Variants in EPHA6 observed in about 807,000 individuals in gnomAD.
The protein encoded by EPHA6 is ephrin type-A receptor 6.
EPHA6 carries 50 observed loss-of-function variants against 112.0 expected under a neutral mutation model. That is an observed-to-expected ratio of 0.45 (90% CI 0.36 to 0.56). The LOEUF is 0.56. Among genes scored for constraint, EPHA6 ranks in the 20% least tolerant of loss-of-function variants. The pLI, the probability that EPHA6 is intolerant of heterozygous loss-of-function variation, is 0.00. For missense variants in EPHA6, 1,280 were observed against 1,417.4 expected (o/e 0.90, Z 1.56); for synonymous variants, 529 against 490.7 (o/e 1.08, Z -1.03).
chr3:97,283,571 A>G (rs1192961563), intron 5 of EPHA6, among the ~76,000 whole-genome samples: 2 of 152,054 alleles, frequency 1.3e-5, no homozygotes, highest in East Asian at 3.9e-4. Context: ...AAATGTTGCT[A>G]AACAGTCTAC....
intron 3 of EPHA6, among the ~76,000 whole-genome samples, chr3:97,106,474 C>G (rs1021032813): frequency 2.0e-5 from 3 of 152,004 alleles, no homozygotes; most frequent in Non-Finnish European, 4.4e-5. Flanking sequence ...AAGCCCAGGC[C>G]GCTGAGCAGC....
At chr3:97,505,794 C>A (rs375922920) in intron 10 of EPHA6, among the ~76,000 whole-genome samples, 1 of 151,880 alleles carries the variant, frequency 6.6e-6, no homozygotes, top group Non-Finnish European at 1.5e-5. Context: ...AACTAATTTA[C>A]ACCATCAACA....
At chr3:97,054,818 G>A (rs1051426828) in intron 3 of EPHA6, among the ~76,000 whole-genome samples, 1 of 151,960 alleles carries the variant, frequency 6.6e-6, no homozygotes, top group African/African-American at 2.4e-5. Context: ...TGTATTTAAA[G>A]ATTCTAGGTT....
intron 14 of EPHA6, among the ~76,000 whole-genome samples, chr3:97,691,427 T>A (rs941105148): frequency 1.3e-5 from 2 of 152,238 alleles, no homozygotes; most frequent in African/African-American, 4.8e-5. Context: ...GTGGGCCCCT[T>A]GTATCTTCAC....
At position 96,987,744 on chromosome 3, in the gene EPHA6, A is replaced by T; in HGVS notation, c.865A>T (p.Ile289Phe). 6.2e-7 allele frequency: 1 copy of T among 1,613,226 alleles called. No individual in the cohort carries two copies. The highest frequency in any genetic ancestry group is 8.5e-7 in the Non-Finnish European group (1 of 1,179,478). Reference protein sequence around the residue: ...YLAFQDIGACIALVSVRVFYK... With the variant: ...YLAFQDIGACFALVSVRVFYK... The stretch of plus-strand genomic sequence containing the variant: ...GGCTTTTCAAGACATTGGGGCGTGC[A>T]TTGCCCTGGTTTCAGTCCGTGTTTT... Residue 289 changes from isoleucine to phenylalanine, a missense_variant, in exon 3 of 18, where the codon ATT becomes TTT. By Grantham distance (21) the Ile-to-Phe change is conservative. Around this residue, in one of 4 missense-constraint regions of EPHA6, gnomAD observed 878 missense variants for 999.7 expected, o/e 0.88. Transcript: ENST00000389672.
At chr3:97,636,092 G>A (rs1374071462) in intron 13 of EPHA6, among the ~76,000 whole-genome samples, 2 of 152,100 alleles carry the variant, frequency 1.3e-5, no homozygotes, top group Non-Finnish European at 2.9e-5. Flanking sequence ...GCAATTCCAA[G>A]TTAGATGACT....
intron 3 of EPHA6, among the ~76,000 whole-genome samples, chr3:97,187,642 G>C (rs113900150): frequency 8.0e-6 from 1 of 125,060 alleles, no homozygotes; most frequent in African/African-American, 3.1e-5. Context: ...GAAAGAAAAA[G>C]AGAGAGAGAA....
rs904234880 is a variant in EPHA6, at chr3:97,657,973, G to A, written c.2784+19891G>A. Among the ~76,000 whole-genome samples, 4 of 151,834 alleles carry A rather than the reference G, an allele frequency of 2.6e-5. 1 individual carries two copies. The East Asian group carries it at 7.8e-4, about 29-fold the overall frequency. On this transcript the variant is annotated intron_variant, in intron 14 of 17. Coordinates refer to ENST00000389672, the MANE Select transcript of EPHA6 (RefSeq NM_001080448.3). Reference sequence around the variant, plus strand: ...TTACACATCATTAGATAGGACAGAAGTCACAAGCAGGTAAAAGAATTGTCA... The same window carrying A: ...TTACACATCATTAGATAGGACAGAAATCACAAGCAGGTAAAAGAATTGTCA...
At chr3:96,975,899 A>G (rs1193625563) in intron 2 of EPHA6, among the ~76,000 whole-genome samples, 2 of 152,162 alleles carry the variant, frequency 1.3e-5, no homozygotes, top group African/African-American at 2.4e-5. Flanking sequence ...ACTCTTTTCT[A>G]CATTATATAT....
intron 14 of EPHA6, among the ~76,000 whole-genome samples, chr3:97,649,072 C>T (rs2107602913): frequency 6.6e-6 from 1 of 152,124 alleles, no homozygotes; most frequent in African/African-American, 2.4e-5. Context: ...ATCATGAAAC[C>T]AACCGTGTTA....
intron 5 of EPHA6, among the ~76,000 whole-genome samples, chr3:97,366,393 G>A (rs2084733711): frequency 6.6e-6 from 1 of 151,450 alleles, no homozygotes; most frequent in Non-Finnish European, 1.5e-5. Context: ...CAATCCAGAA[G>A]GCAACGTTTA....
chr3:96,860,463 C>T (rs920217875), intron 1 of EPHA6, among the ~76,000 whole-genome samples: 2 of 151,758 alleles, frequency 1.3e-5, no homozygotes, highest in African/African-American at 4.8e-5. Flanking sequence ...ATATAACTTA[C>T]AAGTAAGTAG....
At chr3:97,706,300 A>G (rs1437854574) in intron 14 of EPHA6, among the ~76,000 whole-genome samples, 1 of 152,184 alleles carries the variant, frequency 6.6e-6, no homozygotes, top group Non-Finnish European at 1.5e-5. Flanking sequence ...ACAAGATACA[A>G]ATCTTTAAGC....
intron 5 of EPHA6, among the ~76,000 whole-genome samples, chr3:97,385,085 AAACTGATGAG>A (rs2085981504): frequency 6.6e-6 from 1 of 152,246 alleles, no homozygotes; most frequent in Admixed American, 6.5e-5. Context: ...AGGTTCTGGC[AAACTGATGAG>A]AACTAGATCC....
At chr3:97,046,969 A>G (rs895677124) in intron 3 of EPHA6, among the ~76,000 whole-genome samples, 1 of 152,146 alleles carries the variant, frequency 6.6e-6, no homozygotes, top group Non-Finnish European at 1.5e-5. Context: ...ATTTTTATTG[A>G]TAATGTGTTT....
intron 3 of EPHA6, among the ~76,000 whole-genome samples, chr3:97,108,240 A>C (rs925568549): frequency 1.3e-5 from 2 of 152,182 alleles, no homozygotes; most frequent in Non-Finnish European, 2.9e-5. Context: ...GAAAAGGAAC[A>C]CATGAAAACA....
intron 3 of EPHA6, among the ~76,000 whole-genome samples, chr3:97,091,335 A>T (rs958172848): frequency 6.6e-6 from 1 of 152,174 alleles, no homozygotes; most frequent in Admixed American, 6.6e-5. Context: ...TATGGATCAG[A>T]GTCTCAATAA....
intron 14 of EPHA6, among the ~76,000 whole-genome samples, chr3:97,681,422 C>T (rs1462719166): frequency 6.6e-6 from 1 of 152,026 alleles, no homozygotes; most frequent in Non-Finnish European, 1.5e-5. Flanking sequence ...TTGATAGAAG[C>T]ATTATTTATG....
chr3:97,115,874 C>T (rs1015401278), intron 3 of EPHA6, among the ~76,000 whole-genome samples: 8 of 151,726 alleles, frequency 5.3e-5, no homozygotes, highest in Non-Finnish European at 1.2e-4. Flanking sequence ...ATATCATCAT[C>T]ATGTGAAAAG....
Sources: gnomAD v4.1 joint callset for allele counts (sites outside exome capture counted in the v4.1 genomes callset) on GRCh38, gnomAD v4.1.1 for gene constraint, gnomAD v4.1.1 regional missense constraint, MANE v1.5 for transcripts, NCBI Gene and HGNC (gene_info 2026-07-23, HGNC 2026-07-21) for gene names.